Variants in CLEC16A observed in about 807,000 individuals in gnomAD.
CLEC16A encodes the protein protein CLEC16A.
Under a neutral mutation model 109.5 loss-of-function variants are expected in CLEC16A, and 51 were observed. The ratio of observed to expected loss-of-function variants is 0.47; its 90% CI spans 0.37 to 0.59. The LOEUF is 0.59. Ranked by LOEUF, CLEC16A falls within the 20% of genes least tolerant of loss-of-function variation. CLEC16A has a pLI of 0.00. For synonymous variants in CLEC16A, 673 were observed against 564.2 expected (o/e 1.19, Z -2.73); for missense variants, 1,339 against 1,394.0 (o/e 0.96, Z 0.63).
chr16:11,166,305 G>A, intron 22 of CLEC16A, 83 bp from the exon 23 acceptor site: 1 of 1,439,862 alleles, frequency 6.9e-7, no homozygotes, highest in Non-Finnish European at 9.3e-7. Flanking sequence ...AACTGAGGTT[G>A]GGTTGTTCAG....
At chr16:11,039,950 C>T in intron 14 of CLEC16A, 74 bp downstream of exon 14, 2 of 1,543,700 alleles carry the variant, frequency 1.3e-6, no homozygotes, top group South Asian at 1.2e-5. Flanking sequence ...GAGCCTGAGC[C>T]CTGGGTGCTA....
intron 21 of CLEC16A, among the ~76,000 whole-genome samples, chr16:11,125,132 G>C (rs551455558): frequency 2.0e-5 from 3 of 152,134 alleles, no homozygotes; most frequent in Non-Finnish European, 2.9e-5. Flanking sequence ...TTACCGATGC[G>C]ATGATTTACT....
intron 13 of CLEC16A, among the ~76,000 whole-genome samples, chr16:11,025,493 G>A (rs764086314): frequency 4.6e-5 from 7 of 152,124 alleles, no homozygotes; most frequent in African/African-American, 1.2e-4. Context: ...CCTTGCTGCC[G>A]ACCCCTGGGA....
intron 1 of CLEC16A, among the ~76,000 whole-genome samples, chr16:10,953,773 G>A (rs532406992): frequency 2.6e-5 from 4 of 152,272 alleles, no homozygotes; most frequent in East Asian, 1.9e-4. Context: ...TCAGGAGATC[G>A]AGACCATCCT....
At chr16:11,058,756 C>A (rs778456521) in intron 18 of CLEC16A, among the ~76,000 whole-genome samples, 1 of 152,156 alleles carries the variant, frequency 6.6e-6, no homozygotes, top group Non-Finnish European at 1.5e-5. Flanking sequence ...GAGTGGTGGG[C>A]TGCAGAAAGC....
chr16:11,141,758 G>A (rs1005942828), intron 22 of CLEC16A, among the ~76,000 whole-genome samples: 1 of 152,320 alleles, frequency 6.6e-6, no homozygotes, highest in African/African-American at 2.4e-5. Context: ...CAGTGATGGC[G>A]GTGGGGACAG....
chr16:11,157,666 G>A (rs2054584270), intron 22 of CLEC16A, among the ~76,000 whole-genome samples: 1 of 152,162 alleles, frequency 6.6e-6, no homozygotes, highest in Non-Finnish European at 1.5e-5. Context: ...TGGTTTTTGT[G>A]TAGATTCCTA....
chr16:10,981,899 G>A (rs1441957574), intron 9 of CLEC16A, among the ~76,000 whole-genome samples: 1 of 152,172 alleles, frequency 6.6e-6, no homozygotes, highest in Non-Finnish European at 1.5e-5. Flanking sequence ...ACCGAGGCTG[G>A]GGTGCTACTG....
At chr16:10,965,537 G>A (rs2042459933) in intron 3 of CLEC16A, among the ~76,000 whole-genome samples, 1 of 152,164 alleles carries the variant, frequency 6.6e-6, no homozygotes, top group South Asian at 2.1e-4. Context: ...GTTTGGTTTA[G>A]GAGTGGCAGC....
At chr16:11,093,784 A>G (rs2050449268) in intron 19 of CLEC16A, among the ~76,000 whole-genome samples, 1 of 152,136 alleles carries the variant, frequency 6.6e-6, no homozygotes, top group Admixed American at 6.5e-5. Flanking sequence ...AGGACAGGAA[A>G]GTGGGCTGGG....
At chr16:11,068,513 G>T (rs2048886819) in intron 19 of CLEC16A, among the ~76,000 whole-genome samples, 1 of 152,168 alleles carries the variant, frequency 6.6e-6, no homozygotes, top group South Asian at 2.1e-4. Flanking sequence ...CTGAACTCCA[G>T]ACCTGTGTAC....
chr16:11,115,100 C>T (rs574420300), intron 19 of CLEC16A, among the ~76,000 whole-genome samples: 1 of 152,290 alleles, frequency 6.6e-6, no homozygotes, highest in South Asian at 2.1e-4. Context: ...CAGCCAGGCT[C>T]TATGAGGGAG....
At chr16:11,134,833 T>TAG (rs142290043) in intron 22 of CLEC16A, among the ~76,000 whole-genome samples, 378 of 152,296 alleles carry the variant, frequency 2.5e-3, no homozygotes, top group African/African-American at 8.7e-3. Context: ...AGGCCCTCCT[T>TAG]AGAGAGGGGC....
At chr16:11,010,354 T>C (rs2045325293) in intron 11 of CLEC16A, among the ~76,000 whole-genome samples, 1 of 152,164 alleles carries the variant, frequency 6.6e-6, no homozygotes, top group Admixed American at 6.5e-5. Flanking sequence ...TTATTCATCA[T>C]GTATATTTTT....
intron 22 of CLEC16A, among the ~76,000 whole-genome samples, chr16:11,142,422 CT>C (rs1378173935): frequency 6.6e-6 from 1 of 152,246 alleles, no homozygotes; most frequent in Non-Finnish European, 1.5e-5. Context: ...GTGCTTGGCC[CT>C]TGGCACTAAG....
chr16:11,150,374 C>T (rs963540471), intron 22 of CLEC16A: 3 of 152,244 alleles, frequency 2.0e-5, no homozygotes, highest in Admixed American at 1.3e-4. Flanking sequence ...TGTGTTAGCA[C>T]TTACAGATTT....
intron 2 of CLEC16A, 135 bp downstream of exon 2, chr16:10,958,045 A>T: frequency 4.1e-6 from 3 of 724,888 alleles, no homozygotes; most frequent in East Asian, 2.8e-5. Context: ...ATCTCTGTCT[A>T]GCTGTAAAAA....
At chr16:11,164,440 C>G (rs1360346857) in intron 22 of CLEC16A, among the ~76,000 whole-genome samples, 1 of 152,178 alleles carries the variant, frequency 6.6e-6, no homozygotes, top group African/African-American at 2.4e-5. Context: ...CCTGCTAAGC[C>G]CTAAGCTGAG....
At chr16:11,136,377 A>G (rs1300413845) in intron 22 of CLEC16A, 1 of 152,266 alleles carries the variant, frequency 6.6e-6, no homozygotes. Context: ...CTCTTGTGAC[A>G]TAAAATGAGT....
Sources: allele counts gnomAD v4.1 joint callset (sites outside exome capture counted in the v4.1 genomes callset), GRCh38; gene constraint gnomAD v4.1.1; transcripts MANE v1.5; gene names NCBI Gene and HGNC (gene_info 2026-07-23, HGNC 2026-07-21).